Variants in CCDC66 observed in about 807,000 individuals in gnomAD.
CCDC66 encodes coiled-coil domain-containing protein 66.
Under a neutral mutation model 128.3 loss-of-function variants are expected in CCDC66, and 133 were observed. The ratio of observed to expected loss-of-function variants is 1.04; its 90% CI spans 0.90 to 1.20. The LOEUF (loss-of-function observed/expected upper bound fraction) is 1.20. Among genes scored for constraint, CCDC66 ranks in the 50% most tolerant of loss-of-function variants. The pLI is 0.00. For missense variants in CCDC66, 1,126 were observed against 1,075.5 expected (o/e 1.05, Z -0.66); for synonymous variants, 387 against 357.0 (o/e 1.08, Z -0.95).
intron 7 of CCDC66, among the ~76,000 whole-genome samples, chr3:56,578,511 T>C (rs934376009): frequency 1.3e-5 from 2 of 151,874 alleles, no homozygotes; most frequent in African/African-American, 4.8e-5. Flanking sequence ...ACGCTTCCAG[T>C]TTTCGTCCAT....
chr3:56,559,670 T>G (rs2064845776), intron 3 of CCDC66, 76 bp downstream of exon 3: 1 of 1,124,092 alleles, frequency 8.9e-7, no homozygotes, highest in East Asian at 2.8e-5. Context: ...AGAAAATAAT[T>G]CCTGGGAAAT....
At chr3:56,584,900 G>A (rs2106782900) in intron 7 of CCDC66, among the ~76,000 whole-genome samples, 1 of 152,072 alleles carries the variant, frequency 6.6e-6, no homozygotes, top group Non-Finnish European at 1.5e-5. Flanking sequence ...GACCAGCCCG[G>A]CCAGCATAGC....
intron 10 of CCDC66, among the ~76,000 whole-genome samples, chr3:56,608,128 T>C (rs924015758): frequency 3.3e-5 from 5 of 152,150 alleles, no homozygotes; most frequent in Admixed American, 3.3e-4. Flanking sequence ...GTTTTGGTAT[T>C]AGGGTGATGC....
chr3:56,567,250 C>T (rs1464209456), intron 6 of CCDC66, among the ~76,000 whole-genome samples, 197 bp downstream of exon 6: 7 of 152,072 alleles, frequency 4.6e-5, no homozygotes, highest in African/African-American at 1.7e-4. Flanking sequence ...ATTAGCTGGG[C>T]GTGGTGGTGC....
intron 10 of CCDC66, among the ~76,000 whole-genome samples, chr3:56,606,039 G>T (rs2074020591): frequency 6.6e-6 from 1 of 152,062 alleles, no homozygotes; most frequent in Admixed American, 6.5e-5. Context: ...GCTCTGCCCA[G>T]TTCGATCTTC....
In CCDC66 at chr3:56,577,358, C is replaced by G. The variant is rs181477243; in HGVS notation, c.936+6056C>G. Among the ~76,000 whole-genome samples, 597 of 151,600 alleles carry G rather than the reference C, an allele frequency of 3.9e-3. 9 individuals carry two copies. The highest frequency in any genetic ancestry group is 5.9e-3 in the Admixed American group (89 of 15,064). ...GATGAGTAGATTGCAAAATTTTTCT[C>G]CCATTCTGTAGGTTGCCTGTTTACT... On this transcript the variant is annotated intron_variant, in intron 7 of 17. Transcript: ENST00000394672.
At chr3:56,580,825 C>G (rs56006703) in intron 7 of CCDC66, among the ~76,000 whole-genome samples, 7,796 of 151,892 alleles carry the variant, frequency 0.051, 449 homozygotes, top group East Asian at 0.23. Flanking sequence ...TGACCTTTCT[C>G]TCTGGCTGCC....
chr3:56,573,703 GGC>G lies in CCDC66; in HGVS notation c.936+2402_936+2403del, dbSNP rs1418936587. Among the ~76,000 whole-genome samples the G allele has an allele frequency of 7.7e-3, 1,163 of 151,942 alleles. 36 individuals carry two copies. The highest frequency in any genetic ancestry group is 0.076 in the East Asian group (385 of 5,098). On this transcript the variant is annotated intron_variant, in intron 7 of 17. Coordinates refer to ENST00000394672, the MANE Select transcript of CCDC66 (RefSeq NM_001141947.3). ...GTATCAGTGCTGACATCTTCTGAAG[GGC>G]TGGTTTCTGTTTAGCCCTTAGGCTA...
intron 3 of CCDC66, chr3:56,560,797 AT>A (rs976669129): frequency 2.3e-6 from 1 of 428,256 alleles, no homozygotes; most frequent in Non-Finnish European, 4.6e-6. Flanking sequence ...TAATTTTTAG[AT>A]TAATATCAGT....
At chr3:56,565,651 CCGTTGCCCAGGCTGGAGTCTCGCTG>C (rs1169990853) in intron 4 of CCDC66, among the ~76,000 whole-genome samples, 1 of 147,090 alleles carries the variant, frequency 6.8e-6, no homozygotes, top group African/African-American at 2.5e-5. Context: ...GAGTCTCGCT[CCGTTGCCCAGGCTGGAGTCTCGCTG>C]CGTCGCCCAG....
At chr3:56,569,375 CT>C in intron 6 of CCDC66, 1 of 326,468 alleles carries the variant, frequency 3.1e-6, no homozygotes, top group East Asian at 8.8e-5. Flanking sequence ...CCTCAGGAAG[CT>C]TTTACTCACG....
rs1481641757 is a variant in CCDC66 at position 56,615,256 on chromosome 3, G to A, written c.1695G>A (p.Leu565=). 4 of 1,608,920 alleles carry A rather than the reference G, an allele frequency of 2.5e-6. No individual in the cohort carries two copies. Among genetic ancestry groups the A allele is most frequent in the Non-Finnish European group, 3.4e-6 (4 of 1,177,682 alleles). ...LAQKGHDTSR[L]IKNLGVDTIQ... is the part of the protein sequence containing the mutation. ...AAAAGGGACATGACACTTCTAGACT[G>A]ATTAAAAATCTTGGTGGTAAGGGCC... Residue 565 remains leucine, a synonymous_variant, in exon 12 of 18, where the codon CTG becomes CTA. Transcript: ENST00000394672.
rs1197163218 is a variant in CCDC66 at position 56,619,531 on chromosome 3, A to G, written c.2635+4A>G. ...CCTCAGTACCAAAATTCACAAGGTA[A>G]GTAAATATTAAGCATTCTAACTGTA... On this transcript the variant is annotated splice_donor_region_variant and intron_variant, in intron 16 of 17. Transcript: ENST00000394672. 6.2e-7 allele frequency: 1 copy of G among 1,600,716 alleles called. No individual in the cohort carries two copies. Among genetic ancestry groups the G allele is most frequent in the Non-Finnish European group, 8.5e-7 (1 of 1,175,128 alleles).
At chr3:56,563,260 C>G (rs1380304709) in intron 3 of CCDC66, among the ~76,000 whole-genome samples, 1 of 151,914 alleles carries the variant, frequency 6.6e-6, no homozygotes, top group Non-Finnish European at 1.5e-5. Context: ...ACTCAGGTGG[C>G]TGAGGCAGGA....
At chr3:56,583,686 T>C (rs1193778877) in intron 7 of CCDC66, among the ~76,000 whole-genome samples, 13 of 149,968 alleles carry the variant, frequency 8.7e-5, no homozygotes, top group Admixed American at 3.4e-4. Context: ...TGGAGTCTCC[T>C]ATGTCTACTT....
In CCDC66 at chr3:56,619,527, G is replaced by GGTAA. The variant is rs576569195; in HGVS notation, c.2635+5_2635+8dup. 9.1e-5 allele frequency: 146 copies of GGTAA among 1,601,548 alleles called. No individual in the cohort carries two copies. The East Asian group carries it at 2.4e-3, about 26-fold the overall frequency. On this transcript the variant is annotated frameshift_variant and splice_region_variant. Coordinates refer to ENST00000394672, the MANE Select transcript of CCDC66 (RefSeq NM_001141947.3). LOFTEE classifies it high-confidence loss of function. ...GGACCCTCAGTACCAAAATTCACAA[G>GGTAA]GTAAGTAAATATTAAGCATTCTAAC... is the stretch of plus-strand genomic sequence containing the variant.
intron 10 of CCDC66, among the ~76,000 whole-genome samples, chr3:56,609,702 G>A (rs1409644952): frequency 1.3e-5 from 2 of 152,130 alleles, no homozygotes; most frequent in Non-Finnish European, 2.9e-5. Context: ...TGTGATTTAT[G>A]TTTTAAAGAG....
chr3:56,615,276 A>T lies in CCDC66; in HGVS notation c.1711+4A>T, dbSNP rs368059707. The T allele has an allele frequency of 5.0e-6, 8 of 1,608,602 alleles. No homozygotes were observed. The highest frequency in any genetic ancestry group is 6.8e-6 in the Non-Finnish European group (8 of 1,177,786). ...AGACTGATTAAAAATCTTGGTGGTA[A>T]GGGCCTAACCAGAACTTTATTTATA... On this transcript the variant is annotated splice_donor_region_variant and intron_variant, in intron 12 of 17. Transcript: ENST00000394672.
intron 10 of CCDC66, 107 bp downstream of exon 10, chr3:56,594,135 G>A (rs1326559777): frequency 1.0e-6 from 1 of 983,728 alleles, no homozygotes; most frequent in African/African-American, 1.6e-5. Flanking sequence ...TTACAGCATA[G>A]GTCCTGTCCA....
Sources: gnomAD v4.1 joint callset for allele counts (sites outside exome capture counted in the v4.1 genomes callset) on GRCh38, gnomAD v4.1.1 for gene constraint, MANE v1.5 for transcripts, NCBI Gene and HGNC (gene_info 2026-07-23, HGNC 2026-07-21) for gene names.